Variants in SUGP1 observed in about 807,000 individuals in gnomAD.
SUGP1 encodes the protein SURP and G-patch domain containing 1.
In SUGP1, 34 loss-of-function variants were observed where a neutral mutation model predicts 76.5. The observed-to-expected ratio is 0.44, with a 90% CI of 0.34 to 0.59. The LOEUF (loss-of-function observed/expected upper bound fraction) is 0.59, where lower values mean the gene tolerates loss of function less well. SUGP1 is among the 20% of genes least tolerant of loss of function. The pLI, the probability that SUGP1 is intolerant of heterozygous loss-of-function variation, is 0.01. For synonymous variants in SUGP1, 326 were observed against 326.2 expected, an observed-to-expected ratio of 1.00 and a Z score of 0.01; for missense variants, 752 against 851.7, an observed-to-expected ratio of 0.88 and a Z score of 1.46.
At chr19:19,298,208 G>GT (rs1248943646) in intron 7 of SUGP1, among the ~76,000 whole-genome samples, 1 of 121,334 alleles carries the variant, frequency 8.2e-6, no homozygotes, top group Non-Finnish European at 1.7e-5. Context: ...GTCCCTTTGT[G>GT]TTACAGAGGC....
chr19:19,294,162 G>A (rs2061206793), intron 8 of SUGP1, among the ~76,000 whole-genome samples: 1 of 151,774 alleles, frequency 6.6e-6, no homozygotes, highest in Non-Finnish European at 1.5e-5. Context: ...ACTCCAGCCT[G>A]CGTGACAGAG....
intron 8 of SUGP1, among the ~76,000 whole-genome samples, chr19:19,283,521 T>C (rs1168302971): frequency 6.7e-6 from 1 of 149,478 alleles, no homozygotes. Context: ...GTGGTACGAC[T>C]TCGGCTCACT....
At chr19:19,300,585 A>T (rs2061263519) in intron 7 of SUGP1, among the ~76,000 whole-genome samples, 1 of 152,084 alleles carries the variant, frequency 6.6e-6, no homozygotes, top group African/African-American at 2.4e-5. Context: ...CTGCATGGAG[A>T]TTAAACACAG....
rs554828537 is a variant in SUGP1, at chr19:19,311,062, T to A, written c.207-862A>T. Among the ~76,000 whole-genome samples the A allele has an allele frequency of 1.1e-4, 16 of 151,692 alleles. No individual in the cohort carries two copies. The East Asian group carries it at 3.1e-3, about 29-fold the overall frequency. On this transcript the variant is annotated intron_variant, in intron 2 of 13. Coordinates refer to ENST00000247001, the MANE Select transcript of SUGP1 (RefSeq NM_172231.4). ...GCCTGGCTAATTTTTTAATTTTTTT[T>A]TTTTTTTTTGGTAGAGGTAACATCT...
intron 11 of SUGP1, among the ~76,000 whole-genome samples, chr19:19,278,183 A>C (rs1056014020): frequency 6.6e-6 from 1 of 152,224 alleles, no homozygotes; most frequent in Admixed American, 6.5e-5. Flanking sequence ...CCCCGTGTTC[A>C]TGTCCTGAGA....
intron 8 of SUGP1, among the ~76,000 whole-genome samples, chr19:19,290,669 A>T (rs887155680): frequency 2.0e-5 from 3 of 152,126 alleles, no homozygotes; most frequent in Admixed American, 2.0e-4. Flanking sequence ...AAAACAAAAA[A>T]AACTCTTTGC....
intron 1 of SUGP1, among the ~76,000 whole-genome samples, chr19:19,319,187 A>G (rs927110128): frequency 2.0e-5 from 3 of 152,078 alleles, no homozygotes; most frequent in Admixed American, 2.0e-4. Flanking sequence ...GTGCCACTGC[A>G]CTCCAGCCTG....
At chr19:19,293,820 A>T (rs890653318) in intron 8 of SUGP1, among the ~76,000 whole-genome samples, 1 of 152,240 alleles carries the variant, frequency 6.6e-6, no homozygotes, top group Non-Finnish European at 1.5e-5. Context: ...GAAGTATCCA[A>T]GTTGGAAAAG....
intron 7 of SUGP1, among the ~76,000 whole-genome samples, chr19:19,298,093 G>C (rs1166015907): frequency 1.3e-5 from 2 of 152,258 alleles, no homozygotes; most frequent in Admixed American, 1.3e-4. Context: ...GCATGTTACA[G>C]TGCTGAACAA....
intron 8 of SUGP1, among the ~76,000 whole-genome samples, chr19:19,292,012 C>T (rs946276397): frequency 6.6e-6 from 1 of 151,802 alleles, no homozygotes. Flanking sequence ...GTGATTCATG[C>T]CTGTAATCCC....
chr19:19,317,323 G>C (rs1464057929), intron 1 of SUGP1, among the ~76,000 whole-genome samples: 1 of 152,154 alleles, frequency 6.6e-6, no homozygotes, highest in African/African-American at 2.4e-5. Flanking sequence ...AATGGGAGAT[G>C]ATCTGGGCAG....
chr19:19,318,221 G>A (rs1023587459), intron 1 of SUGP1, among the ~76,000 whole-genome samples: 7 of 149,184 alleles, frequency 4.7e-5, no homozygotes, highest in African/African-American at 1.7e-4. Flanking sequence ...GAGTTCCAGC[G>A]ATTCTCCTGC....
chr19:19,306,027 G>C lies in SUGP1; in HGVS notation c.360C>G (p.Ser120Arg). The C allele has an allele frequency of 6.2e-7, 1 of 1,611,156 alleles. No individual in the cohort carries two copies. Among genetic ancestry groups the C allele is most frequent in the Non-Finnish European group, 8.5e-7 (1 of 1,179,192 alleles). ...PSAPPSTPTP[S>R]AGKRSLLISR... is the part of the protein sequence containing the mutation. ...TGATGAGCAGGGACCTCTTCCCAGC[G>C]CTGGGGGTGGGTGTGCTGGGAGGGG... Residue 120 changes from serine (S) to arginine (R), a missense_variant, in exon 4 of 14, where the codon AGC becomes AGG. Around this residue, in one of 2 missense-constraint regions of SUGP1, gnomAD observed 620 missense variants for 617.3 expected, o/e 1.00. Coordinates refer to ENST00000247001, the MANE Select transcript of SUGP1 (RefSeq NM_172231.4).
rs1226972946 is a variant in SUGP1 at position 19,291,932 on chromosome 19, CAA to C, written c.1243+5055_1243+5056del. ...ACACACACACACACACACACACACACAAAAGGGCCAAGAATTAGATAGCTTCA... is the reference window on the plus strand; with the variant it reads ...ACACACACACACACACACACACACACAAGGGCCAAGAATTAGATAGCTTCA... On this transcript the variant is annotated intron_variant, in intron 8 of 13. Coordinates refer to ENST00000247001, the MANE Select transcript of SUGP1 (RefSeq NM_172231.4). 6.0e-4 allele frequency among the ~76,000 whole-genome samples: 86 copies of C among 143,670 alleles called. No homozygotes were observed. The South Asian group carries it at 9.0e-3, about 15-fold the overall frequency. The allele number at this position is 143,670 out of a possible 152,430, so 94.3% of individuals were successfully genotyped here.
intron 1 of SUGP1, among the ~76,000 whole-genome samples, chr19:19,317,412 G>A (rs990190952): frequency 5.3e-5 from 8 of 152,152 alleles, no homozygotes; most frequent in African/African-American, 1.9e-4. Context: ...AGTGTCAGAG[G>A]GGCCTGCTCC....
chr19:19,301,991 A>G, intron 7 of SUGP1: 1 of 453,762 alleles, frequency 2.2e-6, no homozygotes, highest in Non-Finnish European at 3.9e-6. Flanking sequence ...CAACTGGGCA[A>G]GTGCTAGAGA....
At chr19:19,310,026 C>T in intron 3 of SUGP1, 71 bp downstream of exon 3, 4 of 1,261,034 alleles carry the variant, frequency 3.2e-6, no homozygotes, top group Non-Finnish European at 3.5e-6. Flanking sequence ...GGACCCATCA[C>T]TTCCCATGTG....
intron 3 of SUGP1, among the ~76,000 whole-genome samples, chr19:19,307,448 C>A (rs1375502102): frequency 6.6e-6 from 1 of 152,042 alleles, no homozygotes; most frequent in African/African-American, 2.4e-5. Context: ...GTTGGACCAT[C>A]TAGACCTAAA....
intron 2 of SUGP1, among the ~76,000 whole-genome samples, chr19:19,313,349 C>T (rs574640131): frequency 9.2e-5 from 14 of 152,150 alleles, no homozygotes; most frequent in South Asian, 6.2e-4. Flanking sequence ...GGGCCAAGAT[C>T]GCGCCATTGC....
Sources: gnomAD v4.1 joint callset for allele counts (sites outside exome capture counted in the v4.1 genomes callset) on GRCh38, gnomAD v4.1.1 for gene constraint, gnomAD v4.1.1 regional missense constraint, MANE v1.5 for transcripts, NCBI Gene and HGNC (gene_info 2026-07-23, HGNC 2026-07-21) for gene names.